The following ABLIM2 variants were observed in gnomAD, a reference collection of about 807,000 sequenced individuals.
ABLIM2 encodes the protein actin binding LIM protein family member 2, also known as actin-binding LIM protein 2.
In ABLIM2, 53 loss-of-function variants were observed where a neutral mutation model predicts 97.7. That is an observed-to-expected ratio of 0.54 (90% CI 0.44 to 0.68). The LOEUF (loss-of-function observed/expected upper bound fraction) is 0.68, where lower values mean the gene tolerates loss of function less well. Ranked by LOEUF, ABLIM2 falls within the 30% of genes least tolerant of loss-of-function variation. The probability of loss-of-function intolerance (pLI) is 0.00; values close to 1 mark genes in which losing one functional copy is unlikely to be tolerated. For missense variants in ABLIM2, 835 were observed against 867.2 expected, an observed-to-expected ratio of 0.96 and a Z score of 0.47; for synonymous variants, 361 against 345.8, an observed-to-expected ratio of 1.04 and a Z score of -0.49.
At chr4:8,108,769 C>T (rs1158083236) in intron 1 of ABLIM2, among the ~76,000 whole-genome samples, 1 of 152,264 alleles carries the variant, frequency 6.6e-6, no homozygotes, top group Non-Finnish European at 1.5e-5. Flanking sequence ...CACTTGCCTG[C>T]CTGTGTGGGC....
rs898109146 is a variant in ABLIM2 at position 8,127,650 on chromosome 4, C to T, written c.11-21013G>A. On this transcript the variant is annotated intron_variant, in intron 1 of 20. Transcript: ENST00000447017. The surrounding 1 kb of genome is among the most constrained non-coding windows in gnomAD (Gnocchi z 7.3). The stretch of plus-strand genomic sequence containing the variant: ...GCTGGGCCTGGCACCCACGGAGGAT[C>T]GGGCAGGAGTGGACCGGGGAAGAGC... 7.5e-5 allele frequency: 96 copies of T among 1,285,368 alleles called. No homozygotes were observed. The highest frequency in any genetic ancestry group is 5.6e-4 in the East Asian group (10 of 17,868). 79.6% of individuals were successfully genotyped at this position (1,285,368 alleles called of 1,614,324 possible). A position where few individuals can be genotyped will look rare whatever the true frequency, so the allele number is the denominator to read the frequency against.
intron 1 of ABLIM2, among the ~76,000 whole-genome samples, chr4:8,131,836 C>T (rs1849464090): frequency 7.1e-6 from 1 of 140,200 alleles, no homozygotes; most frequent in East Asian, 2.0e-4. Flanking sequence ...AGCACAGCAG[C>T]CCGCATCCCT....
At chr4:8,153,978 T>TTTC (rs1244554255) in intron 1 of ABLIM2, among the ~76,000 whole-genome samples, 5 of 150,508 alleles carry the variant, frequency 3.3e-5, no homozygotes, top group Non-Finnish European at 7.4e-5. Flanking sequence ...TTTTTTTTTT[T>TTTC]TTGAGATACA....
At position 8,089,348 on chromosome 4, in the gene ABLIM2, G is replaced by A. The variant is rs374170328; in HGVS notation, c.339-1064C>T. On this transcript the variant is annotated intron_variant, in intron 3 of 20. Coordinates refer to ENST00000447017, the MANE Select transcript of ABLIM2 (RefSeq NM_001130083.2). ...TGCCATCAAGCTCCCAGCAGCCACC[G>A]GGCCACTTTCCTTCCCCATCTGAGC... Among the ~76,000 whole-genome samples, 158 of 152,258 alleles carry A rather than the reference G, an allele frequency of 1.0e-3. 1 individual carries two copies. The highest frequency in any genetic ancestry group is 3.3e-3 in the African/African-American group (137 of 41,552).
chr4:8,007,928 T>C, intron 16 of ABLIM2, 131 bp downstream of exon 16: 3 of 1,487,566 alleles, frequency 2.0e-6, no homozygotes, highest in Non-Finnish European at 2.7e-6. Flanking sequence ...GTCCTTAGAT[T>C]TGTGGGCTTT....
At position 8,103,182 on chromosome 4, in the gene ABLIM2, C is replaced by T. The variant is rs77695008; in HGVS notation, c.154+3312G>A. Among the ~76,000 whole-genome samples, 580 of 152,292 alleles carry T rather than the reference C, an allele frequency of 3.8e-3. 1 individual carries two copies. The highest frequency in any genetic ancestry group is 6.8e-3 in the Middle Eastern group (2 of 294). On this transcript the variant is annotated intron_variant, in intron 2 of 20. Coordinates refer to ENST00000447017, the MANE Select transcript of ABLIM2 (RefSeq NM_001130083.2). ...TGGGGTAGGGGTGTGGGGCTACCTC[C>T]AGACTTCGTGTTAAGATGACAAATA... is the stretch of plus-strand genomic sequence containing the variant.
chr4:8,053,276 T>C (rs1481492513), intron 8 of ABLIM2, among the ~76,000 whole-genome samples: 1 of 152,224 alleles, frequency 6.6e-6, no homozygotes, highest in Non-Finnish European at 1.5e-5. Context: ...CTTTGAGTCA[T>C]CCTGCCTTTG....
chr4:8,027,909 C>T (rs113521408), intron 11 of ABLIM2, 52 bp from the exon 12 acceptor site: 184 of 1,303,578 alleles, frequency 1.4e-4, no homozygotes, highest in South Asian at 3.8e-4. Flanking sequence ...GCTGGTGCAA[C>T]GCCACACATA....
intron 17 of ABLIM2, among the ~76,000 whole-genome samples, chr4:7,987,513 C>CA (rs1371694723): frequency 1.3e-5 from 2 of 152,202 alleles, no homozygotes; most frequent in Non-Finnish European, 2.9e-5. Flanking sequence ...TAAAGCAAGG[C>CA]AACCAGCCAT....
rs1723189897 is a variant in ABLIM2, at chr4:7,966,824, T to C, written c.*166A>G. The C allele has an allele frequency of 3.5e-6, 2 of 574,706 alleles. No homozygotes were observed. The highest frequency in any genetic ancestry group is 2.8e-5 in the East Asian group (1 of 35,092). The allele number at this position is 574,706 out of a possible 1,614,324, so 35.6% of individuals were successfully genotyped here. A position where few individuals can be genotyped will look rare whatever the true frequency, so the allele number is the denominator to read the frequency against. ...CTCGGCCCTAAACTACCGGCAGGAG[T>C]GTCGCCGGCAGGTGCAGGGGCCGCA... On this transcript the variant is annotated 3_prime_UTR_variant, in exon 21 of 21. Coordinates refer to ENST00000447017, the MANE Select transcript of ABLIM2 (RefSeq NM_001130083.2).
chr4:8,041,812 G>C (rs538366417), intron 9 of ABLIM2, among the ~76,000 whole-genome samples: 1 of 152,090 alleles, frequency 6.6e-6, no homozygotes, highest in South Asian at 2.1e-4. Context: ...GCCGAGGCAG[G>C]AGAATGGCGT....
chr4:8,082,804 G>A lies in ABLIM2; in HGVS notation c.455-2002C>T, dbSNP rs1820766281. On this transcript the variant is annotated intron_variant, in intron 4 of 20. Transcript: ENST00000447017. This position sits in a 1 kb window ranked among gnomAD's most constrained non-coding sequence, Gnocchi z 5.6. The stretch of plus-strand genomic sequence containing the variant: ...GATGCCTCCGCCCTTCTCAAGTCCA[G>A]GAGGCGACCCCCACATCACCCAATC... Among the ~76,000 whole-genome samples the A allele has an allele frequency of 6.6e-6, 1 of 152,180 alleles. No homozygotes were observed. The highest frequency in any genetic ancestry group is 2.4e-5 in the African/African-American group (1 of 41,448).
intron 20 of ABLIM2, among the ~76,000 whole-genome samples, chr4:7,977,398 C>T (rs947146722): frequency 3.3e-5 from 5 of 152,196 alleles, no homozygotes; most frequent in Non-Finnish European, 4.4e-5. Context: ...ATCACACATG[C>T]ACACAGGTAT....
chr4:8,027,423 C>T (rs770396794), intron 12 of ABLIM2, among the ~76,000 whole-genome samples: 1 of 152,194 alleles, frequency 6.6e-6, no homozygotes, highest in Non-Finnish European at 1.5e-5. Flanking sequence ...CTGTGCCCCC[C>T]GGCTGACACA....
Position 7,968,912 on chromosome 4 carries a change from G to A in ABLIM2, c.1825-1809C>T, listed in dbSNP as rs947036526. On this transcript the variant is annotated intron_variant, in intron 20 of 20. Coordinates refer to ENST00000447017, the MANE Select transcript of ABLIM2 (RefSeq NM_001130083.2). Reference sequence around the variant, plus strand: ...TCCCAGCACTTTGGGAGGTTGAGGCGTGTGGATCACCTTAGGTCAGGAGTT... The same window carrying A: ...TCCCAGCACTTTGGGAGGTTGAGGCATGTGGATCACCTTAGGTCAGGAGTT... 3.3e-5 allele frequency among the ~76,000 whole-genome samples: 5 copies of A among 152,226 alleles called. 1 individual carries two copies. Among genetic ancestry groups the A allele is most frequent in the South Asian group, 4.1e-4 (2 of 4,824 alleles).
In ABLIM2 at chr4:8,019,014, G is replaced by A. The variant is rs1771552139; in HGVS notation, c.1423+604C>T. Among the ~76,000 whole-genome samples, 1 of 152,152 alleles carries A rather than the reference G, an allele frequency of 6.6e-6. No homozygotes were observed. The highest frequency in any genetic ancestry group is 1.5e-5 in the Non-Finnish European group (1 of 68,032). ...GGAGGAAAGAGAGGGGAGACCATGT[G>A]GCCCCGATTCCTGCTCCATGGCCCA... On this transcript the variant is annotated intron_variant, in intron 14 of 20. Transcript: ENST00000447017. This position sits in a 1 kb window ranked among gnomAD's most constrained non-coding sequence, Gnocchi z 4.3.
chr4:8,142,686 G>A (rs1051825344), intron 1 of ABLIM2, among the ~76,000 whole-genome samples: 1 of 152,218 alleles, frequency 6.6e-6, no homozygotes, highest in East Asian at 1.9e-4. Context: ...CACAGAGGGG[G>A]ACCAGGGCTC....
In ABLIM2 at chr4:8,044,476, C is replaced by A. The variant is rs150287511; in HGVS notation, c.900+688G>T. ...ATATACATATGTATATGTATGTATA[C>A]ATATATAAATTTAAATATACAATAT... is the stretch of plus-strand genomic sequence containing the variant. On this transcript the variant is annotated intron_variant, in intron 9 of 20. Transcript: ENST00000447017. The surrounding 1 kb of genome is among the most constrained non-coding windows in gnomAD (Gnocchi z 4.4). Among the ~76,000 whole-genome samples the A allele has an allele frequency of 0.013, 2,024 of 151,550 alleles. 44 individuals carry two copies. Among genetic ancestry groups the A allele is most frequent in the African/African-American group, 0.046 (1,914 of 41,322 alleles).
rs540910470 is a variant in ABLIM2, at chr4:8,020,429, C to T, written c.1268-126G>A. 4.6e-6 allele frequency: 4 copies of T among 861,150 alleles called. No homozygotes were observed. The African/African-American group carries it at 6.6e-5, about 14-fold the overall frequency. 53.3% of individuals were successfully genotyped at this position (861,150 alleles called of 1,614,324 possible). On this transcript the variant is annotated intron_variant, in intron 12 of 20. Transcript: ENST00000447017. ...TCCTGTCTGGTGGAGCAGCCCAGAT[C>T]CCCTGCCCAGGGGAAGGAGTGTGGG...
Sources: gnomAD v4.1 joint callset for allele counts (sites outside exome capture counted in the v4.1 genomes callset) on GRCh38, gnomAD v4.1.1 for gene constraint, Gnocchi (gnomAD v3.1) non-coding constraint, MANE v1.5 for transcripts, NCBI Gene and HGNC (gene_info 2026-07-23, HGNC 2026-07-21) for gene names.